PLCB1: variants seen among roughly 807,000 people sequenced by gnomAD.
The protein encoded by PLCB1 is 1-phosphatidylinositol 4,5-bisphosphate phosphodiesterase beta-1.
In PLCB1, 46 loss-of-function variants were observed where a neutral mutation model predicts 161.8. That is an observed-to-expected ratio of 0.28 (90% CI 0.22 to 0.36). The LOEUF (loss-of-function observed/expected upper bound fraction) is 0.36. PLCB1 is among the 10% of genes least tolerant of loss of function. PLCB1 has a pLI of 1.00. For missense variants in PLCB1, 1,016 were observed against 1,472.5 expected (o/e 0.69, Z 5.07); for synonymous variants, 517 against 503.7 (o/e 1.03, Z -0.35).
At chr20:8,708,190 C>T (rs749473842) in intron 11 of PLCB1, among the ~76,000 whole-genome samples, 1 of 152,068 alleles carries the variant, frequency 6.6e-6, no homozygotes, top group African/African-American at 2.4e-5. Context: ...AAAAAAGTCA[C>T]ATCTCAATAA....
intron 2 of PLCB1, among the ~76,000 whole-genome samples, chr20:8,298,592 CTT>C (rs1236627808): frequency 7.4e-6 from 1 of 134,266 alleles, no homozygotes. Context: ...GGAATTGGGG[CTT>C]TTTTTTTTTT....
chr20:8,442,268 A>G (rs1980593110), intron 3 of PLCB1, among the ~76,000 whole-genome samples: 2 of 152,216 alleles, frequency 1.3e-5, no homozygotes, highest in Non-Finnish European at 2.9e-5. Context: ...ATTTTCTCAC[A>G]GTTCTGAATA....
intron 2 of PLCB1, among the ~76,000 whole-genome samples, chr20:8,309,448 T>G (rs543130872): frequency 4.8e-4 from 73 of 152,234 alleles, no homozygotes; most frequent in African/African-American, 1.7e-3. Context: ...AAACATAACA[T>G]CCTCCAGATT....
chr20:8,141,622 G>GA (rs10599705), intron 1 of PLCB1, among the ~76,000 whole-genome samples: 1,760 of 92,326 alleles, frequency 0.019, 25 homozygotes, highest in African/African-American at 0.036. Flanking sequence ...GCGATACTCC[G>GA]AAAAAAAAAA....
intron 2 of PLCB1, among the ~76,000 whole-genome samples, chr20:8,286,135 G>A (rs1983110269): frequency 6.6e-6 from 1 of 152,148 alleles, no homozygotes. Flanking sequence ...GACCAGCCTG[G>A]CCAGCATGGC....
intron 2 of PLCB1, among the ~76,000 whole-genome samples, chr20:8,194,915 A>C (rs1392966576): frequency 1.3e-5 from 2 of 152,006 alleles, no homozygotes; most frequent in Non-Finnish European, 2.9e-5. Context: ...AACTTTGCTC[A>C]CTGAAAAGCA....
chr20:8,571,313 C>G (rs1324752354), intron 3 of PLCB1, among the ~76,000 whole-genome samples: 1 of 152,028 alleles, frequency 6.6e-6, no homozygotes, highest in Non-Finnish European at 1.5e-5. Context: ...GACACTCCAT[C>G]TCTACCAAAA....
chr20:8,667,547 G>T (rs1304292335), intron 9 of PLCB1, among the ~76,000 whole-genome samples: 1 of 152,194 alleles, frequency 6.6e-6, no homozygotes, highest in Non-Finnish European at 1.5e-5. Flanking sequence ...GCAAAGGCCT[G>T]GCCTAGGAAT....
At chr20:8,481,857 T>C (rs557773369) in intron 3 of PLCB1, among the ~76,000 whole-genome samples, 1 of 152,072 alleles carries the variant, frequency 6.6e-6, no homozygotes, top group Non-Finnish European at 1.5e-5. Context: ...CTGTGAGTCA[T>C]GATTTTTTTT....
intron 1 of PLCB1, among the ~76,000 whole-genome samples, chr20:8,144,650 AG>A (rs796613929): frequency 6.2e-4 from 95 of 152,346 alleles, no homozygotes; most frequent in African/African-American, 2.2e-3. Flanking sequence ...TTCATTTCAT[AG>A]TCAGGGCTGT....
chr20:8,291,242 G>A (rs928914954), intron 2 of PLCB1, among the ~76,000 whole-genome samples: 1 of 152,106 alleles, frequency 6.6e-6, no homozygotes, highest in Non-Finnish European at 1.5e-5. Flanking sequence ...TCCTGATCAG[G>A]CTCTGCTGCT....
At chr20:8,689,051 C>G (rs560993580) in intron 10 of PLCB1, among the ~76,000 whole-genome samples, 2 of 148,846 alleles carry the variant, frequency 1.3e-5, no homozygotes, top group Admixed American at 6.7e-5. Flanking sequence ...CTTGTAGAAG[C>G]CTTTTGACTC....
intron 16 of PLCB1, among the ~76,000 whole-genome samples, chr20:8,725,740 A>G (rs1979899516): frequency 6.6e-6 from 1 of 152,128 alleles, no homozygotes; most frequent in Admixed American, 6.6e-5. Flanking sequence ...CATTGGCTGC[A>G]ATGAGTTTCT....
At chr20:8,761,719 C>T (rs111995558) in intron 25 of PLCB1, among the ~76,000 whole-genome samples, 13 of 149,974 alleles carry the variant, frequency 8.7e-5, no homozygotes, top group Non-Finnish European at 1.5e-4. Flanking sequence ...TGATTCTCCA[C>T]GTTGGCCAGG....
At chr20:8,476,296 T>TTCAAGTGTG (rs144837331) in intron 3 of PLCB1, among the ~76,000 whole-genome samples, 3 of 152,284 alleles carry the variant, frequency 2.0e-5, no homozygotes, top group Non-Finnish European at 2.9e-5. Context: ...TTCCTTCTTG[T>TTCAAGTGTG]TCAAGTGTGT....
At chr20:8,175,444 AG>A (rs1292093150) in intron 2 of PLCB1, among the ~76,000 whole-genome samples, 2 of 126,292 alleles carry the variant, frequency 1.6e-5, no homozygotes, top group East Asian at 4.0e-4. Context: ...GGATATTCAT[AG>A]GCAAAAAATA....
chr20:8,667,903 A>G (rs1600237910), intron 9 of PLCB1, among the ~76,000 whole-genome samples: 2 of 152,248 alleles, frequency 1.3e-5, no homozygotes, highest in African/African-American at 2.4e-5. Flanking sequence ...AGAACACAGC[A>G]TTGACAATTG....
chr20:8,685,804 C>T (rs2123401741), intron 10 of PLCB1, among the ~76,000 whole-genome samples: 1 of 151,860 alleles, frequency 6.6e-6, no homozygotes, highest in South Asian at 2.1e-4. Flanking sequence ...TAGACAAAAA[C>T]AAATTGACCT....
At chr20:8,739,487 G>T in intron 21 of PLCB1, 127 bp downstream of exon 21, 2 of 653,656 alleles carry the variant, frequency 3.1e-6, no homozygotes, top group South Asian at 3.6e-5. Flanking sequence ...TAACAAGGGC[G>T]ATGAGATTTA....
Sources: allele counts gnomAD v4.1 joint callset (sites outside exome capture counted in the v4.1 genomes callset), GRCh38; gene constraint gnomAD v4.1.1; transcripts MANE v1.5; gene names NCBI Gene and HGNC (gene_info 2026-07-23, HGNC 2026-07-21).